The following AUH variants were observed in gnomAD, a reference collection of about 807,000 sequenced individuals.
AUH encodes the protein AU RNA binding methylglutaconyl-CoA hydratase, also known as methylglutaconyl-CoA hydratase, mitochondrial.
In AUH, 29 loss-of-function variants were observed where a neutral mutation model predicts 42.3. The observed-to-expected ratio is 0.69, with a 90% confidence interval of 0.51 to 0.93. The LOEUF (loss-of-function observed/expected upper bound fraction) is 0.93, where lower values mean the gene tolerates loss of function less well. Among genes scored for constraint, AUH ranks in the 40% least tolerant of loss-of-function variants. The pLI is 0.00. For missense variants in AUH, 452 were observed against 438.1 expected (o/e 1.03, Z -0.28); for synonymous variants, 174 against 166.4 (o/e 1.05, Z -0.35).
rs1177400692 is a variant in AUH at position 91,340,831 on chromosome 9, C to T, written c.418+15052G>A. On this transcript the variant is annotated intron_variant, in intron 3 of 9. Coordinates refer to ENST00000375731, the MANE Select transcript of AUH (RefSeq NM_001698.3). ...GTGTGAACCAGAAGACAGCAAAAAA[C>T]AGCCTGCAGGCCAGTCTGCACCCAG... Among the ~76,000 whole-genome samples, 3 of 152,180 alleles carry T rather than the reference C, an allele frequency of 2.0e-5. No homozygotes were observed. The East Asian group carries it at 5.8e-4, about 29-fold the overall frequency.
intron 4 of AUH, among the ~76,000 whole-genome samples, chr9:91,304,814 A>G (rs1315306602): frequency 3.9e-5 from 6 of 152,366 alleles, no homozygotes; most frequent in Middle Eastern, 3.4e-3. Context: ...TGGTTTCTTG[A>G]GCTTTCATAA....
chr9:91,275,088 G>C (rs957852543), intron 6 of AUH, among the ~76,000 whole-genome samples: 4 of 152,202 alleles, frequency 2.6e-5, no homozygotes, highest in Admixed American at 1.3e-4. Flanking sequence ...ACTGGGTGGT[G>C]ATCTACCAGA....
At chr9:91,265,880 T>G (rs539425467) in intron 6 of AUH, among the ~76,000 whole-genome samples, 69 of 152,344 alleles carry the variant, frequency 4.5e-4, no homozygotes, top group Non-Finnish European at 9.3e-4. Context: ...TAAAGAGTTA[T>G]ATATCTCATT....
chr9:91,244,029 A>T (rs2131352538), intron 6 of AUH, among the ~76,000 whole-genome samples: 1 of 152,322 alleles, frequency 6.6e-6, no homozygotes, highest in South Asian at 2.1e-4. Context: ...TATAAAACAT[A>T]TCCAACATCC....
At chr9:91,360,835 A>C (rs1321230206) in intron 1 of AUH, among the ~76,000 whole-genome samples, 3 of 152,164 alleles carry the variant, frequency 2.0e-5, no homozygotes, top group African/African-American at 7.2e-5. Context: ...AAATTAAAAC[A>C]CTGGTCCTCT....
chr9:91,236,570 G>T (rs1162105419), intron 6 of AUH, among the ~76,000 whole-genome samples: 3 of 152,178 alleles, frequency 2.0e-5, no homozygotes, highest in African/African-American at 7.2e-5. Flanking sequence ...TGAGGACTTA[G>T]TGAGGTCTGA....
intron 6 of AUH, among the ~76,000 whole-genome samples, chr9:91,252,539 C>T (rs564133559): frequency 2.0e-5 from 3 of 152,264 alleles, no homozygotes; most frequent in South Asian, 4.1e-4. Context: ...TCCATCACTA[C>T]GCTACCTCTC....
intron 6 of AUH, among the ~76,000 whole-genome samples, chr9:91,261,933 T>G (rs1477231826): frequency 1.3e-5 from 2 of 152,230 alleles, no homozygotes; most frequent in African/African-American, 4.8e-5. Context: ...GACTTGAGAA[T>G]GAAGTTTTGA....
At chr9:91,296,133 CA>C in intron 5 of AUH, 56 bp from the exon 6 acceptor site, 1 of 1,541,980 alleles carries the variant, frequency 6.5e-7, no homozygotes. Context: ...TCAAATATGA[CA>C]ACTTGAAAAA....
chr9:91,263,987 T>C (rs1829836098), intron 6 of AUH, among the ~76,000 whole-genome samples: 1 of 152,168 alleles, frequency 6.6e-6, no homozygotes, highest in Admixed American at 6.5e-5. Flanking sequence ...ACACTTTTCC[T>C]CTGAGCTTCC....
chr9:91,220,725 G>T (rs1340085092), intron 7 of AUH, 80 bp downstream of exon 7: 1 of 1,510,026 alleles, frequency 6.6e-7, no homozygotes, highest in East Asian at 2.3e-5. Flanking sequence ...TCTTCCATAG[G>T]CAAGATGACT....
At chr9:91,356,421 T>C (rs1216334157) in intron 1 of AUH, among the ~76,000 whole-genome samples, 2 of 152,238 alleles carry the variant, frequency 1.3e-5, no homozygotes, top group African/African-American at 4.8e-5. Context: ...TGTGGTTTCA[T>C]CATCTTCAAG....
At chr9:91,219,298 G>C (rs1002551325) in intron 7 of AUH, among the ~76,000 whole-genome samples, 5 of 152,198 alleles carry the variant, frequency 3.3e-5, no homozygotes, top group Non-Finnish European at 7.3e-5. Flanking sequence ...AGCGGGCTCT[G>C]CAGATCATCA....
chr9:91,270,036 C>T (rs867287644), intron 6 of AUH, among the ~76,000 whole-genome samples: 43 of 152,264 alleles, frequency 2.8e-4, no homozygotes, highest in African/African-American at 8.4e-4. Flanking sequence ...CAGAAGAACA[C>T]TTTTACTAAA....
intron 6 of AUH, among the ~76,000 whole-genome samples, chr9:91,283,080 C>T (rs1367780787): frequency 2.0e-5 from 3 of 151,892 alleles, no homozygotes; most frequent in African/African-American, 4.8e-5. Context: ...ACTGGCAAAA[C>T]GAATCCAGCA....
At chr9:91,259,952 T>G (rs944579678) in intron 6 of AUH, among the ~76,000 whole-genome samples, 2 of 152,152 alleles carry the variant, frequency 1.3e-5, no homozygotes, top group Non-Finnish European at 2.9e-5. Flanking sequence ...TTTTCTATAT[T>G]CTCACTGATT....
chr9:91,301,636 G>A (rs535428865), intron 4 of AUH, among the ~76,000 whole-genome samples: 105 of 152,250 alleles, frequency 6.9e-4, no homozygotes, highest in African/African-American at 2.4e-3. Context: ...GTTTCCTTTT[G>A]TGCAGGCCCA....
chr9:91,249,292 C>CAAAAAAAAAAAAAA (rs59102669), intron 6 of AUH, among the ~76,000 whole-genome samples: 8 of 32,530 alleles, frequency 2.5e-4, no homozygotes, highest in Non-Finnish European at 3.0e-4. Context: ...GAACCTGTCT[C>CAAAAAAAAAAAAAA]AAAAAAAAAA....
intron 4 of AUH, among the ~76,000 whole-genome samples, chr9:91,308,106 T>TA (rs1168233774): frequency 1.3e-5 from 2 of 152,194 alleles, no homozygotes; most frequent in Non-Finnish European, 2.9e-5. Flanking sequence ...AGATTATTTT[T>TA]AAAATGTAAA....
Sources: allele counts gnomAD v4.1 joint callset (sites outside exome capture counted in the v4.1 genomes callset), GRCh38; gene constraint gnomAD v4.1.1; transcripts MANE v1.5; gene names NCBI Gene and HGNC (gene_info 2026-07-23, HGNC 2026-07-21).